Variants in NLGN1 observed in about 807,000 individuals in gnomAD.
NLGN1 encodes the protein neuroligin-1.
Under a neutral mutation model 65.5 loss-of-function variants are expected in NLGN1, and 12 were observed. The ratio of observed to expected loss-of-function variants is 0.18; its 90% CI spans 0.12 to 0.30. NLGN1 has a LOEUF of 0.30. Among genes scored for constraint, NLGN1 ranks in the 10% least tolerant of loss-of-function variants. The probability of loss-of-function intolerance (pLI) is 1.00; values close to 1 mark genes in which losing one functional copy is unlikely to be tolerated. For missense variants in NLGN1, 750 were observed against 1,007.1 expected (o/e 0.74, Z 3.46); for synonymous variants, 350 against 359.5 (o/e 0.97, Z 0.30).
intron 4 of NLGN1, among the ~76,000 whole-genome samples, chr3:173,883,819 T>TC (rs1733802179): frequency 6.7e-6 from 1 of 149,900 alleles, no homozygotes; most frequent in South Asian, 2.1e-4. Context: ...ACTTTCTTTT[T>TC]TTTTTTTTTT....
intron 4 of NLGN1, among the ~76,000 whole-genome samples, chr3:173,850,979 A>C (rs1009118766): frequency 6.6e-6 from 1 of 152,078 alleles, no homozygotes; most frequent in Admixed American, 6.6e-5. Flanking sequence ...CCCTGAGCTC[A>C]AGCAATCCTC....
chr3:173,664,579 C>T lies in NLGN1; in HGVS notation c.493+59488C>T, dbSNP rs36091885. ...ACAATTTCCTGTGCTGTGATTATTG[C>T]GCGAAGGGAAAGGAAGTTTCCATTC... On this transcript the variant is annotated intron_variant, in intron 3 of 6. Coordinates refer to ENST00000457714, the Ensembl canonical transcript of NLGN1. 2.9e-3 allele frequency among the ~76,000 whole-genome samples: 448 copies of T among 152,116 alleles called. 4 individuals are homozygous for T. The highest frequency in any genetic ancestry group is 8.0e-3 in the African/African-American group (332 of 41,508).
At chr3:173,882,606 C>T (rs1733557341) in intron 4 of NLGN1, among the ~76,000 whole-genome samples, 1 of 152,208 alleles carries the variant, frequency 6.6e-6, no homozygotes, top group South Asian at 2.1e-4. Flanking sequence ...TTGCCAGCTT[C>T]CAACTTTTCT....
the NLGN1 span, among the ~76,000 whole-genome samples, chr3:174,293,579 C>T: frequency 2.0e-5 from 3 of 151,428 alleles, no homozygotes; most frequent in African/African-American, 4.8e-5. Context: ...GCTCTGGAAG[C>T]TAGAAGAAAT....
At chr3:173,451,960 C>T (rs545354105) in intron 2 of NLGN1, among the ~76,000 whole-genome samples, 1 of 152,284 alleles carries the variant, frequency 6.6e-6, no homozygotes, top group Non-Finnish European at 1.5e-5. Context: ...CATCTGTCAC[C>T]TGTTTCTTTG....
rs150376580 is a variant in NLGN1 at position 174,041,355 on chromosome 3, T to C, written c.646+233523T>C. 2.6e-5 allele frequency among the ~76,000 whole-genome samples: 4 copies of C among 152,338 alleles called. No homozygotes were observed. In the East Asian group the frequency reaches 7.7e-4, roughly 29 times the overall value. ...TGTTTACTAGTATTCCACTGTGTTA[T>C]TATACCACAGTGTGCTTATTGATTC... On this transcript the variant is annotated intron_variant, in intron 4 of 6. Transcript: ENST00000457714.
intron 4 of NLGN1, among the ~76,000 whole-genome samples, chr3:174,030,364 TCCTC>T (rs1729745892): frequency 6.6e-6 from 1 of 152,044 alleles, no homozygotes; most frequent in South Asian, 2.1e-4. Context: ...GACCTCGTGA[TCCTC>T]CCGCCTCGGC....
chr3:173,492,361 C>T (rs1458956248), intron 2 of NLGN1, among the ~76,000 whole-genome samples: 1 of 151,700 alleles, frequency 6.6e-6, no homozygotes, highest in Non-Finnish European at 1.5e-5. Context: ...TGTTTACCTT[C>T]TTAGATATAT....
chr3:173,895,937 A>G (rs887036989), intron 4 of NLGN1, among the ~76,000 whole-genome samples: 50 of 152,084 alleles, frequency 3.3e-4, no homozygotes, highest in African/African-American at 1.1e-3. Flanking sequence ...TGATCTGCCC[A>G]CCTTGGCCTC....
chr3:174,091,510 A>T (rs561059041), intron 4 of NLGN1, among the ~76,000 whole-genome samples: 1 of 152,342 alleles, frequency 6.6e-6, no homozygotes, highest in South Asian at 2.1e-4. Flanking sequence ...GCTGCTTCCA[A>T]AATAGATCCA....
chr3:173,946,749 T>C (rs1002903845), intron 4 of NLGN1, among the ~76,000 whole-genome samples: 1 of 152,230 alleles, frequency 6.6e-6, no homozygotes, highest in Non-Finnish European at 1.5e-5. Flanking sequence ...TCAGTGGGAC[T>C]CTCATTATCT....
chr3:174,278,126 T>C (rs1434665223), intron 5 of NLGN1, among the ~76,000 whole-genome samples: 2 of 152,014 alleles, frequency 1.3e-5, no homozygotes, highest in African/African-American at 4.8e-5. Flanking sequence ...AACAGTAGTG[T>C]ACATTCAACA....
At chr3:173,437,567 TG>T (rs1718363299) in intron 2 of NLGN1, among the ~76,000 whole-genome samples, 1 of 152,220 alleles carries the variant, frequency 6.6e-6, no homozygotes, top group South Asian at 2.1e-4. Flanking sequence ...GTACTTGTCT[TG>T]GAGCTGGTTC....
intron 3 of NLGN1, among the ~76,000 whole-genome samples, chr3:173,690,726 G>A (rs189653402): frequency 6.6e-6 from 1 of 152,212 alleles, no homozygotes; most frequent in East Asian, 1.9e-4. Context: ...CAGCAGCACT[G>A]ACTGCATATA....
At chr3:174,223,757 A>C (rs1739092992) in intron 4 of NLGN1, among the ~76,000 whole-genome samples, 1 of 152,166 alleles carries the variant, frequency 6.6e-6, no homozygotes, top group Non-Finnish European at 1.5e-5. Flanking sequence ...ATCTCAAATC[A>C]CCAAGTATGT....
intron 4 of NLGN1, among the ~76,000 whole-genome samples, chr3:173,870,447 C>A (rs9826394): frequency 0.018 from 2,669 of 152,138 alleles, 62 homozygotes; most frequent in Middle Eastern, 0.065. Context: ...GCAAACAGGG[C>A]CTGGAAGCTG....
At chr3:174,026,660 C>G (rs1426273011) in intron 4 of NLGN1, among the ~76,000 whole-genome samples, 1 of 152,002 alleles carries the variant, frequency 6.6e-6, no homozygotes, top group Non-Finnish European at 1.5e-5. Context: ...AACAGGTGTT[C>G]AGAACAAAAG....
intron 3 of NLGN1, among the ~76,000 whole-genome samples, chr3:173,712,123 A>T (rs929500330): frequency 4.6e-5 from 7 of 152,198 alleles, no homozygotes; most frequent in African/African-American, 1.7e-4. Context: ...GCTTCATAAT[A>T]ATGTATGGGG....
chr3:174,122,400 A>C (rs1315846077), intron 4 of NLGN1, among the ~76,000 whole-genome samples: 1 of 152,208 alleles, frequency 6.6e-6, no homozygotes, highest in Non-Finnish European at 1.5e-5. Context: ...GGTCATACAA[A>C]GGAACTGTAA....
Sources: gnomAD v4.1 joint callset for allele counts (sites outside exome capture counted in the v4.1 genomes callset) on GRCh38, gnomAD v4.1.1 for gene constraint, MANE v1.5 for transcripts, NCBI Gene and HGNC (gene_info 2026-07-23, HGNC 2026-07-21) for gene names.